Variants in FAM133B observed in about 807,000 individuals in gnomAD.
FAM133B encodes the protein family with sequence similarity 133 member B.
A neutral mutation model predicts 46.4 loss-of-function variants in FAM133B; 25 were observed. The observed-to-expected ratio is 0.54, with a 90% CI of 0.39 to 0.75. The LOEUF (loss-of-function observed/expected upper bound fraction) is 0.75, where lower values mean the gene tolerates loss of function less well. FAM133B is among the 30% of genes least tolerant of loss of function. FAM133B has a pLI of 0.00. For synonymous variants in FAM133B, 75 were observed against 86.0 expected (o/e 0.87, Z 0.71); for missense variants, 205 against 277.6 (o/e 0.74, Z 1.86).
intron 1 of FAM133B, among the ~76,000 whole-genome samples, chr7:92,586,159 T>C (rs1266058706): frequency 1.3e-5 from 2 of 152,186 alleles, no homozygotes; most frequent in South Asian, 2.1e-4. Flanking sequence ...ACGGGTACAA[T>C]TACATGAACT....
intron 7 of FAM133B, 118 bp from the exon 8 acceptor site, chr7:92,575,939 C>G (rs1794681853): frequency 2.3e-6 from 1 of 436,506 alleles, no homozygotes; most frequent in African/African-American, 2.0e-5. Flanking sequence ...ACTCCAATCC[C>G]AGTATATTAT....
chr7:92,563,825 G>A (rs923028563), intron 10 of FAM133B, among the ~76,000 whole-genome samples: 1 of 152,078 alleles, frequency 6.6e-6, no homozygotes, highest in African/African-American at 2.4e-5. Flanking sequence ...TCCAATGTCC[G>A]CATTCAAAGT....
At chr7:92,579,587 T>G (rs1409204093) in intron 2 of FAM133B, among the ~76,000 whole-genome samples, 192 bp from the exon 3 acceptor site, 1 of 152,246 alleles carries the variant, frequency 6.6e-6, no homozygotes, top group East Asian at 1.9e-4. Context: ...TAAATAACAC[T>G]AATCACTCCT....
At chr7:92,579,476 TA>T in intron 2 of FAM133B, 81 bp from the exon 3 acceptor site, 1 of 896,398 alleles carries the variant, frequency 1.1e-6, no homozygotes, top group Non-Finnish European at 1.7e-6. Context: ...CAAAATTTCA[TA>T]AACTCTTCTA....
intron 3 of FAM133B, 101 bp from the exon 4 acceptor site, chr7:92,578,494 C>T (rs989320635): frequency 4.2e-5 from 42 of 993,816 alleles, no homozygotes; most frequent in Admixed American, 4.1e-5. Context: ...CCTCTTAATA[C>T]CTCTCACCCA....
At chr7:92,587,588 GC>G (rs2116428756) in intron 1 of FAM133B, among the ~76,000 whole-genome samples, 1 of 152,168 alleles carries the variant, frequency 6.6e-6, no homozygotes, top group African/African-American at 2.4e-5. Flanking sequence ...CAAAAAATTA[GC>G]CAGGTGTGGT....
At chr7:92,585,394 T>C (rs1585317034) in intron 1 of FAM133B, 2 of 981,892 alleles carry the variant, frequency 2.0e-6, no homozygotes, top group East Asian at 1.1e-4. Flanking sequence ...ATTTTGGCAG[T>C]ACCTAATGGC....
At chr7:92,567,342 C>T (rs1482183707) in intron 9 of FAM133B, among the ~76,000 whole-genome samples, 1 of 152,204 alleles carries the variant, frequency 6.6e-6, no homozygotes, top group African/African-American at 2.4e-5. Flanking sequence ...AAACATAATA[C>T]AACACTAATA....
chr7:92,579,174 G>A lies in FAM133B; in HGVS notation c.201+143C>T, dbSNP rs972211892. On this transcript the variant is annotated intron_variant, in intron 3 of 10. Transcript: ENST00000445716. ...TTTTTTTAATGGAGACAAGGGCGGC[G>A]GGGGGGGGCCTTACTTTGTTGCCCA... 3.8e-4 allele frequency: 131 copies of A among 348,672 alleles called. 1 individual carries two copies. The highest frequency in any genetic ancestry group is 4.6e-4 in the Non-Finnish European group (94 of 204,874). 21.6% of individuals were successfully genotyped at this position (348,672 alleles called of 1,614,324 possible).
chr7:92,573,776 C>A (rs536005790), intron 8 of FAM133B, among the ~76,000 whole-genome samples: 6 of 151,916 alleles, frequency 3.9e-5, no homozygotes, highest in Admixed American at 6.6e-5. Context: ...CATATGGTTT[C>A]TTTCCTTGAT....
chr7:92,576,046 A>G (rs531579064), intron 7 of FAM133B, among the ~76,000 whole-genome samples: 4 of 152,356 alleles, frequency 2.6e-5, no homozygotes, highest in African/African-American at 9.6e-5. Context: ...TCTTAAAATG[A>G]TAAGTACTGT....
At chr7:92,581,396 ATTAC>A in intron 2 of FAM133B, 106 bp downstream of exon 2, 1 of 846,388 alleles carries the variant, frequency 1.2e-6, no homozygotes, top group South Asian at 1.7e-5. Context: ...ACTTAAAAAA[ATTAC>A]TTATCTGGCA....
chr7:92,589,534 A>G (rs1194997939), intron 1 of FAM133B, among the ~76,000 whole-genome samples: 1 of 152,170 alleles, frequency 6.6e-6, no homozygotes, highest in Non-Finnish European at 1.5e-5. Flanking sequence ...TGTAGATAAT[A>G]ATGATCCCCT....
In FAM133B at chr7:92,568,952, G is replaced by A. The variant is rs138835798; in HGVS notation, c.609+871C>T. Among the ~76,000 whole-genome samples, 52 of 152,254 alleles carry A rather than the reference G, an allele frequency of 3.4e-4. 1 individual carries two copies. The East Asian group carries it at 9.8e-3, about 29-fold the overall frequency. On this transcript the variant is annotated intron_variant, in intron 9 of 10. Coordinates refer to ENST00000445716, the MANE Select transcript of FAM133B (RefSeq NM_152789.4). The stretch of plus-strand genomic sequence containing the variant: ...AGTGCCACTGTTGCAGACCAAGAAC[G>A]ATGAAATCAGAAAGGAGAGAGGCAC...
intron 7 of FAM133B, 32 bp downstream of exon 7, chr7:92,577,071 T>C (rs1160798198): frequency 7.8e-7 from 1 of 1,274,888 alleles, no homozygotes. Context: ...AATGTCTTTG[T>C]ATCCAATATA....
chr7:92,574,387 C>G (rs1484341665), intron 8 of FAM133B, among the ~76,000 whole-genome samples: 1 of 152,078 alleles, frequency 6.6e-6, no homozygotes, highest in East Asian at 1.9e-4. Context: ...AGTCAGAATA[C>G]CCATTAGAGG....
chr7:92,589,365 G>A (rs985157033), intron 1 of FAM133B, among the ~76,000 whole-genome samples: 1 of 152,112 alleles, frequency 6.6e-6, no homozygotes, highest in African/African-American at 2.4e-5. Flanking sequence ...TCTTTTGAAT[G>A]CCTTTAGAAT....
At chr7:92,590,222 C>G (rs1171978313) in intron 1 of FAM133B, 46 bp downstream of exon 1, 3 of 1,613,282 alleles carry the variant, frequency 1.9e-6, no homozygotes, top group Non-Finnish European at 2.5e-6. Context: ...GCTGTCCTGC[C>G]GCCGGGCCCT....
At chr7:92,566,086 G>A (rs1235749094) in intron 9 of FAM133B, 25 bp from the exon 10 acceptor site, 2 of 1,610,816 alleles carry the variant, frequency 1.2e-6, no homozygotes, top group Middle Eastern at 1.8e-4. Flanking sequence ...TTTTTGTGGA[G>A]AACAGAAGAC....
Sources: gnomAD v4.1 joint callset for allele counts (sites outside exome capture counted in the v4.1 genomes callset) on GRCh38, gnomAD v4.1.1 for gene constraint, MANE v1.5 for transcripts, NCBI Gene and HGNC (gene_info 2026-07-23, HGNC 2026-07-21) for gene names.